Variants in NRXN3 observed in about 807,000 individuals in gnomAD.
The protein encoded by NRXN3 is neurexin III.
NRXN3 carries 32 observed loss-of-function variants against 137.6 expected under a neutral mutation model. That is an observed-to-expected ratio of 0.23 (90% CI 0.18 to 0.31). The LOEUF (loss-of-function observed/expected upper bound fraction) is 0.31, where lower values mean the gene tolerates loss of function less well. Among genes scored for constraint, NRXN3 ranks in the 10% least tolerant of loss-of-function variants. NRXN3 has a pLI of 1.00. For synonymous variants in NRXN3, 798 were observed against 784.5 expected (o/e 1.02, Z -0.29); for missense variants, 1,574 against 2,062.5 (o/e 0.76, Z 4.59).
intron 19 of NRXN3, among the ~76,000 whole-genome samples, chr14:79,803,975 GTA>G (rs2099193142): frequency 6.9e-6 from 1 of 144,558 alleles, no homozygotes; most frequent in Non-Finnish European, 1.5e-5. Context: ...ATGTATGTAT[GTA>G]TGTGTATATA....
At chr14:79,781,180 T>C (rs1341625993) in intron 19 of NRXN3, among the ~76,000 whole-genome samples, 5 of 152,218 alleles carry the variant, frequency 3.3e-5, no homozygotes, top group African/African-American at 4.8e-5. Context: ...TGGTTCTTAA[T>C]ATTCAGTCTT....
At position 78,902,215 on chromosome 14, in the gene NRXN3, G is replaced by A. The variant is rs139271606; in HGVS notation, c.2276-55027G>A. ...CTTGTGCAGAATCTCACATCCGAGCGCCCCCTGATGGCAACATATAGACAC... is the reference window on the plus strand; with the variant it reads ...CTTGTGCAGAATCTCACATCCGAGCACCCCCTGATGGCAACATATAGACAC... On this transcript the variant is annotated intron_variant, in intron 10 of 20. Transcript: ENST00000335750. Among the ~76,000 whole-genome samples, 5 of 152,138 alleles carry A rather than the reference G, an allele frequency of 3.3e-5. No individual in the cohort carries two copies. The East Asian group carries it at 9.7e-4, about 30-fold the overall frequency.
chr14:79,501,167 A>G (rs2096822663), intron 16 of NRXN3, among the ~76,000 whole-genome samples: 1 of 152,112 alleles, frequency 6.6e-6, no homozygotes, highest in African/African-American at 2.4e-5. Flanking sequence ...ATAATATTCA[A>G]TGAATTGTTT....
intron 4 of NRXN3, among the ~76,000 whole-genome samples, chr14:78,392,048 A>G (rs2090853386): frequency 6.6e-6 from 1 of 152,212 alleles, no homozygotes; most frequent in Non-Finnish European, 1.5e-5. Flanking sequence ...AAACGTGACT[A>G]TAAACAAGGA....
At chr14:79,538,654 G>T (rs1180003904) in intron 16 of NRXN3, among the ~76,000 whole-genome samples, 4 of 152,036 alleles carry the variant, frequency 2.6e-5, no homozygotes, top group Non-Finnish European at 4.4e-5. Context: ...CTGTCAGATG[G>T]ATAGTTTGCA....
At chr14:79,333,364 CA>C (rs1374961030) in intron 15 of NRXN3, among the ~76,000 whole-genome samples, 1 of 152,148 alleles carries the variant, frequency 6.6e-6, no homozygotes, top group African/African-American at 2.4e-5. Flanking sequence ...TTAAATGCCA[CA>C]AATGCTTGTC....
chr14:79,020,862 TACACACACACACACAC>T (rs3035451), intron 15 of NRXN3, among the ~76,000 whole-genome samples: 3 of 145,094 alleles, frequency 2.1e-5, no homozygotes, highest in African/African-American at 7.6e-5. Context: ...GCTTGCATTT[TACACACACACACACAC>T]ACACACACAC....
intron 20 of NRXN3, among the ~76,000 whole-genome samples, chr14:79,853,215 C>T (rs918620445): frequency 1.3e-5 from 2 of 152,198 alleles, no homozygotes; most frequent in Non-Finnish European, 2.9e-5. Flanking sequence ...ACCTCCCCCA[C>T]TCTAGATGGG....
chr14:78,859,432 C>T (rs1410616080), intron 10 of NRXN3, among the ~76,000 whole-genome samples: 1 of 152,122 alleles, frequency 6.6e-6, no homozygotes, highest in Non-Finnish European at 1.5e-5. Flanking sequence ...AGATGTGATT[C>T]TCTAGATTTT....
intron 4 of NRXN3, among the ~76,000 whole-genome samples, chr14:78,399,696 T>C (rs1194941860): frequency 6.6e-6 from 1 of 152,250 alleles, no homozygotes; most frequent in Non-Finnish European, 1.5e-5. Context: ...TAGTGATGCA[T>C]TGGCTATTTT....
At chr14:79,790,451 C>T (rs560505750) in intron 19 of NRXN3, among the ~76,000 whole-genome samples, 5 of 152,048 alleles carry the variant, frequency 3.3e-5, no homozygotes, top group East Asian at 3.9e-4. Flanking sequence ...TACGGGCCTG[C>T]ACCACCACAC....
chr14:78,835,810 GC>G (rs1596344768), intron 10 of NRXN3, among the ~76,000 whole-genome samples: 1 of 151,996 alleles, frequency 6.6e-6, no homozygotes, highest in East Asian at 1.9e-4. Context: ...TTGATAGAGG[GC>G]CCCTGTCCCT....
Position 79,805,117 on chromosome 14 carries a change from A to T in NRXN3, c.4020A>T (p.Thr1340=), listed in dbSNP as rs1395714622. ...TTTCTCTTTGACATAAACAGCCAAC[A>T]TCAGATGATCTTGTTTCATCTGCTG... The part of the protein sequence containing the change: ...KNRSTASIQP[T]SDDLVSSAEC... Residue 1340 remains threonine (T), a synonymous_variant, in exon 20 of 21, where the codon ACA becomes ACT. Transcript: ENST00000335750. 1.2e-6 allele frequency: 2 copies of T among 1,611,730 alleles called. No individual in the cohort carries two copies. The highest frequency in any genetic ancestry group is 1.7e-6 in the Non-Finnish European group (2 of 1,178,548).
chr14:78,622,409 T>TTTTG (rs1020882120), intron 4 of NRXN3, among the ~76,000 whole-genome samples: 32 of 152,280 alleles, frequency 2.1e-4, no homozygotes, highest in Middle Eastern at 3.4e-3. Context: ...TCATCCTGTT[T>TTTTG]TTTGTTTGTT....
intron 6 of NRXN3, among the ~76,000 whole-genome samples, chr14:78,697,114 C>T (rs1300971075): frequency 1.3e-5 from 2 of 152,032 alleles, no homozygotes; most frequent in Non-Finnish European, 2.9e-5. Context: ...TTTATCACAC[C>T]TAGTTTTATT....
intron 10 of NRXN3, among the ~76,000 whole-genome samples, chr14:78,924,355 C>A (rs1041993220): frequency 6.6e-6 from 1 of 152,058 alleles, no homozygotes; most frequent in Non-Finnish European, 1.5e-5. Context: ...CCGATAACAC[C>A]CAAACAACCA....
At chr14:78,707,760 C>T (rs558299263) in intron 6 of NRXN3, among the ~76,000 whole-genome samples, 11 of 152,284 alleles carry the variant, frequency 7.2e-5, no homozygotes, top group Admixed American at 3.9e-4. Flanking sequence ...TATGCCTTTG[C>T]GTCTTCATAG....
intron 15 of NRXN3, among the ~76,000 whole-genome samples, chr14:79,336,719 T>G (rs1239114742): frequency 2.0e-5 from 3 of 152,208 alleles, no homozygotes; most frequent in Admixed American, 6.5e-5. Context: ...CAAGGCCCCC[T>G]AATTGAATCA....
At chr14:79,326,761 A>G (rs1598750403) in intron 15 of NRXN3, among the ~76,000 whole-genome samples, 1 of 152,212 alleles carries the variant, frequency 6.6e-6, no homozygotes, top group Admixed American at 6.5e-5. Flanking sequence ...ACTCTGCCAG[A>G]TGGCCCTTAT....
Sources: gnomAD v4.1 joint callset for allele counts (sites outside exome capture counted in the v4.1 genomes callset) on GRCh38, gnomAD v4.1.1 for gene constraint, MANE v1.5 for transcripts, NCBI Gene and HGNC (gene_info 2026-07-23, HGNC 2026-07-21) for gene names.